The following TOX3 variants were observed in gnomAD, a reference collection of about 807,000 sequenced individuals.
TOX3 encodes CAG trinucleotide repeat-containing gene F9 protein.
A neutral mutation model predicts 64.3 loss-of-function variants in TOX3; 22 were observed. The observed-to-expected ratio is 0.34, with a 90% CI of 0.24 to 0.49. TOX3 has a LOEUF of 0.49. TOX3 is among the 20% of genes least tolerant of loss of function. TOX3 has a pLI of 0.99. For synonymous variants in TOX3, 291 were observed against 273.6 expected, an observed-to-expected ratio of 1.06 and a Z score of -0.63; for missense variants, 661 against 714.4, an observed-to-expected ratio of 0.93 and a Z score of 0.85.
At chr16:52,467,747 C>T (rs1960912008) in intron 2 of TOX3, among the ~76,000 whole-genome samples, 1 of 152,070 alleles carries the variant, frequency 6.6e-6, no homozygotes, top group Admixed American at 6.6e-5. Context: ...GAGGGCAGGC[C>T]AATGAGACCA....
chr16:52,494,739 C>A (rs1596825466), intron 1 of TOX3, among the ~76,000 whole-genome samples: 1 of 152,198 alleles, frequency 6.6e-6, no homozygotes, highest in African/African-American at 2.4e-5. Flanking sequence ...TTCAGCCTCT[C>A]CATCAATAAA....
At chr16:52,465,630 A>T (rs1960843434) in intron 2 of TOX3, among the ~76,000 whole-genome samples, 1 of 151,960 alleles carries the variant, frequency 6.6e-6, no homozygotes, top group Admixed American at 6.6e-5. Context: ...ATCAGTTAAG[A>T]GGACTAATTA....
In TOX3 at chr16:52,523,098, C is replaced by T. The variant is rs573271279; in HGVS notation, c.87+23539G>A. Among the ~76,000 whole-genome samples, 21 of 152,144 alleles carry T rather than the reference C, an allele frequency of 1.4e-4. No homozygotes were observed. In the South Asian group the frequency reaches 3.3e-3, roughly 24 times the overall value. ...AGAAAACGGAAGCAAGGCAGGAGGA[C>T]GGAGAGTATCAGGGAAAGCAATGAG... On this transcript the variant is annotated intron_variant, in intron 1 of 6. Transcript: ENST00000219746.
chr16:52,439,732 G>A lies in TOX3; in HGVS notation c.1224C>T (p.Pro408=). ...TTATCAGTGGAGCCCCAATGTTCGA[G>A]GGCATGTTGGCTGCAATGGTGACTG... ...VTSVTIAANM[P]SNIGAPLISS... Residue 408 remains proline (P), a synonymous_variant, in exon 7 of 7, where the codon CCC becomes CCT. Transcript: ENST00000219746. 6.2e-7 allele frequency: 1 copy of A among 1,613,972 alleles called. No individual in the cohort carries two copies. The highest frequency in any genetic ancestry group is 8.5e-7 in the Non-Finnish European group (1 of 1,179,886).
chr16:52,437,789 TA>T lies in TOX3; in HGVS notation c.*1435del, dbSNP rs67145443. On this transcript the variant is annotated 3_prime_UTR_variant, in exon 7 of 7. Transcript: ENST00000219746. ...CTATACTTACCTTGTACTTGCATCT[TA>T]AAAAAAAAAAAAAAAAAAAAAAAGA... Among the ~76,000 whole-genome samples the T allele has an allele frequency of 0.18, 19,978 of 111,148 alleles. 1,565 individuals carry two copies. The highest frequency in any genetic ancestry group is 0.28 in the African/African-American group (8,245 of 29,486). 72.9% of individuals were successfully genotyped at this position (111,148 alleles called of 152,430 possible).
At chr16:52,470,726 A>C (rs1961018174) in intron 1 of TOX3, among the ~76,000 whole-genome samples, 1 of 152,238 alleles carries the variant, frequency 6.6e-6, no homozygotes, top group Non-Finnish European at 1.5e-5. Flanking sequence ...TGATGAGCAG[A>C]GCAGGCCACG....
At chr16:52,509,854 A>T (rs1216164300) in intron 1 of TOX3, among the ~76,000 whole-genome samples, 1 of 152,216 alleles carries the variant, frequency 6.6e-6, no homozygotes, top group Non-Finnish European at 1.5e-5. Context: ...AATGTAATTA[A>T]CCTTTAGATT....
chr16:52,498,129 T>C (rs1015420643), intron 1 of TOX3, among the ~76,000 whole-genome samples: 1 of 152,186 alleles, frequency 6.6e-6, no homozygotes, highest in Non-Finnish European at 1.5e-5. Flanking sequence ...TCAATGTATA[T>C]GACATTCACG....
intron 1 of TOX3, among the ~76,000 whole-genome samples, chr16:52,514,875 G>C (rs1464715673): frequency 6.6e-6 from 1 of 151,860 alleles, no homozygotes; most frequent in East Asian, 1.9e-4. Context: ...GCCGGGCATG[G>C]TGGCAGGCAC....
At chr16:52,526,483 T>G (rs557492702) in intron 1 of TOX3, among the ~76,000 whole-genome samples, 2 of 152,248 alleles carry the variant, frequency 1.3e-5, no homozygotes, top group South Asian at 4.1e-4. Context: ...TCCCCCAATC[T>G]TTTTTGTGAA....
At chr16:52,440,428 C>A (rs1959931080) in intron 6 of TOX3, among the ~76,000 whole-genome samples, 1 of 152,212 alleles carries the variant, frequency 6.6e-6, no homozygotes, top group African/African-American at 2.4e-5. Flanking sequence ...ATCTGAAGAA[C>A]CAGTCAGCTA....
At chr16:52,476,039 G>A (rs982854112) in intron 1 of TOX3, among the ~76,000 whole-genome samples, 1 of 152,128 alleles carries the variant, frequency 6.6e-6, no homozygotes, top group South Asian at 2.1e-4. Flanking sequence ...TAGAGCACAG[G>A]CTGTTTTGTT....
intron 1 of TOX3, among the ~76,000 whole-genome samples, chr16:52,505,010 T>A (rs1411347440): frequency 6.6e-6 from 1 of 152,130 alleles, no homozygotes; most frequent in Admixed American, 6.5e-5. Context: ...AATTTTTGTA[T>A]TTTTAGTAGA....
intron 3 of TOX3, among the ~76,000 whole-genome samples, chr16:52,450,916 A>G (rs1960326263): frequency 6.6e-6 from 1 of 152,228 alleles, no homozygotes; most frequent in Non-Finnish European, 1.5e-5. Context: ...CTTGTTTCTT[A>G]TTGAGTAAAC....
intron 3 of TOX3, among the ~76,000 whole-genome samples, chr16:52,459,354 G>C (rs1433568533): frequency 6.6e-6 from 1 of 152,034 alleles, no homozygotes; most frequent in African/African-American, 2.4e-5. Context: ...ACAATATACA[G>C]CACTTAGTAG....
At chr16:52,510,765 A>AAG (rs1160897585) in intron 1 of TOX3, among the ~76,000 whole-genome samples, 1 of 144,556 alleles carries the variant, frequency 6.9e-6, no homozygotes, top group East Asian at 2.1e-4. Context: ...GTCTCAAAAA[A>AAG]AAAAAAAAAA....
intron 1 of TOX3, among the ~76,000 whole-genome samples, chr16:52,494,388 G>A (rs1485317231): frequency 6.6e-6 from 1 of 152,182 alleles, no homozygotes; most frequent in Non-Finnish European, 1.5e-5. Context: ...CCACCGGCCT[G>A]GGTCCCTCCT....
At chr16:52,479,073 G>A (rs1430154994) in intron 1 of TOX3, among the ~76,000 whole-genome samples, 1 of 152,164 alleles carries the variant, frequency 6.6e-6, no homozygotes, top group Non-Finnish European at 1.5e-5. Flanking sequence ...AGACATATAT[G>A]ACTCCTCATG....
At chr16:52,535,503 A>C (rs1962927985) in intron 1 of TOX3, among the ~76,000 whole-genome samples, 1 of 152,224 alleles carries the variant, frequency 6.6e-6, no homozygotes, top group African/African-American at 2.4e-5. Flanking sequence ...CAGGATAGCT[A>C]GAGGCAGCTT....
Sources: gnomAD v4.1 joint callset for allele counts (sites outside exome capture counted in the v4.1 genomes callset) on GRCh38, gnomAD v4.1.1 for gene constraint, MANE v1.5 for transcripts, NCBI Gene and HGNC (gene_info 2026-07-23, HGNC 2026-07-21) for gene names.